The following LPP variants were observed in gnomAD, a reference collection of about 807,000 sequenced individuals.
LPP encodes lipoma-preferred partner.
LPP carries 38 observed loss-of-function variants against 60.4 expected under a neutral mutation model. That is an observed-to-expected ratio of 0.63 (90% CI 0.49 to 0.83). The LOEUF (loss-of-function observed/expected upper bound fraction) is 0.83, where lower values mean the gene tolerates loss of function less well. Among genes scored for constraint, LPP ranks in the 40% least tolerant of loss-of-function variants. LPP has a pLI of 0.00. For missense variants in LPP, 902 were observed against 783.6 expected (o/e 1.15, Z -1.80); for synonymous variants, 328 against 290.8 (o/e 1.13, Z -1.30).
rs75483755 is a variant in LPP, at chr3:188,796,041, G to A, written c.1410+35759G>A. Reference sequence around the variant, plus strand: ...TCACATGTCAGGCACTGGAAATTCCGTGGTGAGCAAAAACAGACAAGTGGC... The same window carrying A: ...TCACATGTCAGGCACTGGAAATTCCATGGTGAGCAAAAACAGACAAGTGGC... On this transcript the variant is annotated intron_variant, in intron 9 of 11. Transcript: ENST00000617246. Among the ~76,000 whole-genome samples, 1,265 of 152,252 alleles carry A rather than the reference G, an allele frequency of 8.3e-3. 16 individuals are homozygous for A. Among genetic ancestry groups the A allele is most frequent in the African/African-American group, 0.029 (1,197 of 41,550 alleles).
At chr3:188,608,246 A>G (rs75345124) in intron 6 of LPP, among the ~76,000 whole-genome samples, 8,865 of 152,240 alleles carry the variant, frequency 0.058, 292 homozygotes, top group African/African-American at 0.084. Flanking sequence ...TTATGTCACT[A>G]TTCTTCATGA....
intron 7 of LPP, among the ~76,000 whole-genome samples, chr3:188,684,435 G>A (rs573815868): frequency 1.6e-4 from 25 of 152,264 alleles, no homozygotes; most frequent in African/African-American, 5.3e-4. Flanking sequence ...TTATGCCAGT[G>A]ACCTAATGCC....
rs185578512 is a variant in LPP at position 188,176,001 on chromosome 3, A to G, written c.-190+21749A>G. Among the ~76,000 whole-genome samples the G allele has an allele frequency of 1.1e-4, 17 of 152,292 alleles. 1 individual carries two copies. The highest frequency in any genetic ancestry group is 3.4e-4 in the African/African-American group (14 of 41,564). On this transcript the variant is annotated intron_variant, in intron 1 of 11. Coordinates refer to ENST00000617246, the MANE Select transcript of LPP (RefSeq NM_001375462.1). Reference sequence around the variant, plus strand: ...CCAGATGAGAGAGCCAGATGACCCAAGTTCATGCCAGATCAAAATCAGAAT... The same window carrying G: ...CCAGATGAGAGAGCCAGATGACCCAGGTTCATGCCAGATCAAAATCAGAAT...
intron 2 of LPP, among the ~76,000 whole-genome samples, chr3:188,261,772 G>C (rs1343316133): frequency 6.6e-6 from 1 of 151,586 alleles, no homozygotes; most frequent in East Asian, 1.9e-4. Flanking sequence ...ATATTAGCTA[G>C]ATGTGGTGGC....
intron 2 of LPP, among the ~76,000 whole-genome samples, chr3:188,299,290 G>A (rs891086825): frequency 5.9e-5 from 9 of 152,122 alleles, no homozygotes; most frequent in South Asian, 2.1e-4. Context: ...GGAGCACGTC[G>A]TCAGTAAATT....
At chr3:188,557,995 T>A (rs918757262) in intron 6 of LPP, among the ~76,000 whole-genome samples, 1 of 151,202 alleles carries the variant, frequency 6.6e-6, no homozygotes, top group African/African-American at 2.4e-5. Context: ...ATGGATGTTA[T>A]CAGTATTTTT....
At chr3:188,160,657 C>T (rs1717987307) in intron 1 of LPP, among the ~76,000 whole-genome samples, 2 of 152,212 alleles carry the variant, frequency 1.3e-5, no homozygotes, top group South Asian at 4.1e-4. Flanking sequence ...CCAACCCACA[C>T]GTATCTGTGA....
In LPP at chr3:188,568,467, G is replaced by T. The variant is rs76359828; in HGVS notation, c.430-40694G>T. 6.6e-5 allele frequency: 10 copies of T among 152,066 alleles called. No homozygotes were observed. In the East Asian group the frequency reaches 1.8e-3, roughly 27 times the overall value. 9.4% of individuals were successfully genotyped at this position (152,066 alleles called of 1,614,324 possible). A position where few individuals can be genotyped will look rare whatever the true frequency, so the allele number is the denominator to read the frequency against. On this transcript the variant is annotated intron_variant, in intron 6 of 11. Transcript: ENST00000617246. ...CTGATATGTGCCAGAGACTTCCTAT[G>T]TGCTAGGGTTATGGAGATTGACAAT...
Position 188,695,848 on chromosome 3 carries a change from C to T in LPP, c.1114-12419C>T, listed in dbSNP as rs546381439. ...GTTTGACTGTCTTGATTAACCTTTACGATAGACCATGTAAGTTTCATATTT... is the reference window on the plus strand; with the variant it reads ...GTTTGACTGTCTTGATTAACCTTTATGATAGACCATGTAAGTTTCATATTT... On this transcript the variant is annotated intron_variant, in intron 7 of 11. Transcript: ENST00000617246. 3.3e-5 allele frequency among the ~76,000 whole-genome samples: 5 copies of T among 152,224 alleles called. 1 individual carries two copies. In the Middle Eastern group the frequency reaches 0.01, roughly 311 times the overall value.
chr3:188,715,433 A>T, intron 8 of LPP, among the ~76,000 whole-genome samples: 1 of 151,240 alleles, frequency 6.6e-6, no homozygotes, highest in South Asian at 2.1e-4. Context: ...AAGTAGCTGT[A>T]AATTATTATA....
At chr3:188,435,904 A>C (rs1235973572) in intron 4 of LPP, among the ~76,000 whole-genome samples, 1 of 152,174 alleles carries the variant, frequency 6.6e-6, no homozygotes, top group African/African-American at 2.4e-5. Context: ...AAAGAGACAA[A>C]AGGCATATGG....
chr3:188,186,461 A>G (rs1396598170), intron 1 of LPP, among the ~76,000 whole-genome samples: 3 of 152,186 alleles, frequency 2.0e-5, no homozygotes, highest in African/African-American at 7.2e-5. Context: ...CATGCATTTA[A>G]TGATCTTCAA....
chr3:188,545,731 A>G (rs1391543168), intron 6 of LPP, among the ~76,000 whole-genome samples: 1 of 152,106 alleles, frequency 6.6e-6, no homozygotes, highest in Non-Finnish European at 1.5e-5. Flanking sequence ...GATGAGTTCC[A>G]AGGCCAAGTA....
intron 9 of LPP, among the ~76,000 whole-genome samples, chr3:188,811,388 A>ACACACG (rs1553855678): frequency 1.3e-5 from 2 of 150,826 alleles, no homozygotes; most frequent in African/African-American, 4.9e-5. Context: ...ACACACACGC[A>ACACACG]CACACGCTCA....
At chr3:188,791,921 A>C (rs1263826436) in intron 9 of LPP, among the ~76,000 whole-genome samples, 1 of 152,138 alleles carries the variant, frequency 6.6e-6, no homozygotes, top group Admixed American at 6.5e-5. Context: ...TGAGGACACT[A>C]TTAAGTTCCC....
At chr3:188,678,590 A>G (rs909153192) in intron 7 of LPP, among the ~76,000 whole-genome samples, 2 of 152,200 alleles carry the variant, frequency 1.3e-5, no homozygotes, top group African/African-American at 2.4e-5. Context: ...TTCTGATTCC[A>G]AACTTTATAT....
rs375411951 is a variant in LPP, at chr3:188,419,722, T to A, written c.193+13409T>A. 1.1e-3 allele frequency among the ~76,000 whole-genome samples: 172 copies of A among 152,202 alleles called. 1 individual carries two copies. The highest frequency in any genetic ancestry group is 3.7e-3 in the South Asian group (18 of 4,824). On this transcript the variant is annotated intron_variant, in intron 4 of 11. Transcript: ENST00000617246. ...CTGGCCAACATGGCAAAACCCCGAC[T>A]TTACTAAAAATACAAAAATTAGCCG...
intron 8 of LPP, chr3:188,743,614 A>G (rs17671949): frequency 6.6e-6 from 1 of 151,984 alleles, no homozygotes; most frequent in Non-Finnish European, 1.5e-5. Context: ...CAAGCAACCA[A>G]TGAAGTGTAC....
Position 188,337,996 on chromosome 3 carries a change from A to G in LPP, c.-66-3667A>G, listed in dbSNP as rs140435734. Among the ~76,000 whole-genome samples the G allele has an allele frequency of 2.2e-3, 332 of 152,362 alleles. 3 individuals carry two copies. The South Asian group carries it at 0.024, about 11-fold the overall frequency. ...TCCTAAAGTCTCTCATTTTATTTCT[A>G]GATTATACATTCCATTGATAGAGCC... On this transcript the variant is annotated intron_variant, in intron 2 of 11. Coordinates refer to ENST00000617246, the MANE Select transcript of LPP (RefSeq NM_001375462.1).
Sources: gnomAD v4.1 joint callset for allele counts (sites outside exome capture counted in the v4.1 genomes callset) on GRCh38, gnomAD v4.1.1 for gene constraint, MANE v1.5 for transcripts, NCBI Gene and HGNC (gene_info 2026-07-23, HGNC 2026-07-21) for gene names.